The following CALHM5 variants were observed in gnomAD, a reference collection of about 807,000 sequenced individuals.
CALHM5 encodes the protein calcium homeostasis modulator protein 5.
Under a neutral mutation model 20.9 loss-of-function variants are expected in CALHM5, and 17 were observed. That is an observed-to-expected ratio of 0.82 (90% CI 0.56 to 1.22). The LOEUF (loss-of-function observed/expected upper bound fraction) is 1.22. CALHM5 is among the 50% of genes most tolerant of loss of function. The probability of loss-of-function intolerance (pLI) is 0.00; values close to 1 mark genes in which losing one functional copy is unlikely to be tolerated. For synonymous variants in CALHM5, 148 were observed against 140.0 expected (o/e 1.06, Z -0.40); for missense variants, 360 against 364.6 (o/e 0.99, Z 0.10).
intron 1 of CALHM5, among the ~76,000 whole-genome samples, chr6:116,514,970 G>T (rs1279241999): frequency 6.6e-6 from 1 of 152,106 alleles, no homozygotes; most frequent in East Asian, 1.9e-4. Context: ...TAAGATCCAG[G>T]GGAGAAAAGC....
At position 116,524,699 on chromosome 6, in the gene CALHM5, T is replaced by C. The variant is rs1012734054; in HGVS notation, c.*8710T>C. The C allele has an allele frequency of 6.6e-6, 1 of 152,180 alleles. No individual in the cohort carries two copies. Among genetic ancestry groups the C allele is most frequent in the African/African-American group, 2.4e-5 (1 of 41,444 alleles). 9.4% of individuals were successfully genotyped at this position (152,180 alleles called of 1,614,324 possible). ...TTAAATAGGCCTTCAGGTAGGTCTTTTTGGAACGATTTTTCCTGCTACAAG... is the reference window on the plus strand; with the variant it reads ...TTAAATAGGCCTTCAGGTAGGTCTTCTTGGAACGATTTTTCCTGCTACAAG... On this transcript the variant is annotated 3_prime_UTR_variant, in exon 2 of 2. Transcript: ENST00000368599.
intron 1 of CALHM5, among the ~76,000 whole-genome samples, chr6:116,515,160 A>G (rs1377571625): frequency 1.3e-5 from 2 of 152,192 alleles, no homozygotes; most frequent in Non-Finnish European, 2.9e-5. Flanking sequence ...GACAGAAAAA[A>G]ATTAGTCTCT....
chr6:116,523,766 G>A lies in CALHM5; in HGVS notation c.*7777G>A, dbSNP rs1405073432. The A allele has an allele frequency of 6.6e-6, 1 of 152,022 alleles. No individual in the cohort carries two copies. Among genetic ancestry groups the A allele is most frequent in the Non-Finnish European group, 1.5e-5 (1 of 67,994 alleles). The allele number at this position is 152,022 out of a possible 1,614,324, so 9.4% of individuals were successfully genotyped here. On this transcript the variant is annotated 3_prime_UTR_variant, in exon 2 of 2. Transcript: ENST00000368599. Reference sequence around the variant, plus strand: ...ATTTAGACATTACTGCTAGTTTATAGGAAACATAAGCAACAAAAAACAAGG... The same window carrying A: ...ATTTAGACATTACTGCTAGTTTATAAGAAACATAAGCAACAAAAAACAAGG...
intron 1 of CALHM5, among the ~76,000 whole-genome samples, chr6:116,514,601 A>T (rs1314221701): frequency 6.6e-6 from 1 of 152,180 alleles, no homozygotes; most frequent in Non-Finnish European, 1.5e-5. Context: ...TAAAAAGAAT[A>T]CGCATAGTAA....
At position 116,522,304 on chromosome 6, in the gene CALHM5, AC is replaced by A. The variant is rs1452390783; in HGVS notation, c.*6319del. ...TTGCCATGTCCTATCCAACTCCATG[AC>A]CCCAAAAATCATGAGCTTAAATAAA... On this transcript the variant is annotated 3_prime_UTR_variant, in exon 2 of 2. Coordinates refer to ENST00000368599, the MANE Select transcript of CALHM5 (RefSeq NM_153711.5). 6.6e-6 allele frequency: 1 copy of A among 152,164 alleles called. No individual in the cohort carries two copies. Among genetic ancestry groups the A allele is most frequent in the Admixed American group, 6.5e-5 (1 of 15,274 alleles). The allele number at this position is 152,164 out of a possible 1,614,324, so 9.4% of individuals were successfully genotyped here. A position where few individuals can be genotyped will look rare whatever the true frequency, so the allele number is the denominator to read the frequency against.
At chr6:116,513,288 G>A (rs938842660) in intron 1 of CALHM5, among the ~76,000 whole-genome samples, 4 of 152,124 alleles carry the variant, frequency 2.6e-5, no homozygotes, top group Non-Finnish European at 4.4e-5. Flanking sequence ...TTCATAAATT[G>A]ATAAGTCAAA....
At chr6:116,512,940 A>T (rs1772152572) in intron 1 of CALHM5, among the ~76,000 whole-genome samples, 1 of 152,220 alleles carries the variant, frequency 6.6e-6, no homozygotes, top group Admixed American at 6.5e-5. Context: ...GCATTGTTTT[A>T]TTTAACAGAA....
Position 116,512,177 on chromosome 6 carries a change from A to T in CALHM5, c.481A>T (p.Thr161Ser). 6.2e-7 allele frequency: 1 copy of T among 1,611,216 alleles called. No homozygotes were observed. Among genetic ancestry groups the T allele is most frequent in the South Asian group, 1.1e-5 (1 of 91,076 alleles). ...EELHKVSCGKTSMLPTVNEEL... is the reference protein window; with the variant it reads ...EELHKVSCGKSSMLPTVNEEL... The stretch of plus-strand genomic sequence containing the variant: ...ACTTCACAAAGTATCTTGTGGCAAA[A>T]CTAGCATGCTACCTACCGTCAATGA... The change falls in exon 1 of 2, where the codon ACT becomes TCT. Residue 161 changes from threonine (T) to serine (S), a missense_variant. Coordinates refer to ENST00000368599, the MANE Select transcript of CALHM5 (RefSeq NM_153711.5).
intron 1 of CALHM5, among the ~76,000 whole-genome samples, chr6:116,514,005 A>T (rs919763552): frequency 1.3e-5 from 2 of 152,162 alleles, no homozygotes; most frequent in Non-Finnish European, 2.9e-5. Flanking sequence ...TAGAGATGAT[A>T]GATACAAATG....
At position 116,516,658 on chromosome 6, in the gene CALHM5, CAAATATATATATATATATATATATAT is replaced by C. The variant is rs1370848021; in HGVS notation, c.*671_*696del. 29 of 96,798 alleles carry C rather than the reference CAAATATATATATATATATATATATAT, an allele frequency of 3.0e-4. No homozygotes were observed. Among genetic ancestry groups the C allele is most frequent in the African/African-American group, 1.4e-3 (29 of 20,614 alleles). The allele number at this position is 96,798 out of a possible 1,614,324, so 6.0% of individuals were successfully genotyped here. A position where few individuals can be genotyped will look rare whatever the true frequency, so the allele number is the denominator to read the frequency against. On this transcript the variant is annotated 3_prime_UTR_variant, in exon 2 of 2. Transcript: ENST00000368599. The stretch of plus-strand genomic sequence containing the variant: ...TTTCCTACATTCAAAATAGTAGTAA[CAAATATATATATATATATATATATAT>C]ATATATATATATATATATATATATA...
rs1296371486 is a variant in CALHM5, at chr6:116,521,828, A to C, written c.*5839A>C. The C allele has an allele frequency of 6.6e-6, 1 of 152,222 alleles. No individual in the cohort carries two copies. Among genetic ancestry groups the C allele is most frequent in the Non-Finnish European group, 1.5e-5 (1 of 68,048 alleles). The allele number at this position is 152,222 out of a possible 1,614,324, so 9.4% of individuals were successfully genotyped here. A position where few individuals can be genotyped will look rare whatever the true frequency, so the allele number is the denominator to read the frequency against. On this transcript the variant is annotated 3_prime_UTR_variant, in exon 2 of 2. Transcript: ENST00000368599. ...TGTAGTCGTGTTATCCTCACTTTGA[A>C]TCTGACCTTATGAACCAATAAAATA... is the stretch of plus-strand genomic sequence containing the variant.
At position 116,515,890 on chromosome 6, in the gene CALHM5, C is replaced by CT; in HGVS notation, c.832dup (p.Tyr278LeufsTer2). Reference sequence around the variant, plus strand: ...ATTCTTTCCACCAAAGCCAGCAACACTATAGCACCCTCCACAGAGTGGTGG... The same window carrying CT: ...ATTCTTTCCACCAAAGCCAGCAACACTTATAGCACCCTCCACAGAGTGGTGG... On this transcript the variant is annotated frameshift_variant, in exon 2 of 2. Coordinates refer to ENST00000368599, the MANE Select transcript of CALHM5 (RefSeq NM_153711.5). LOFTEE classifies it low-confidence loss of function (END_TRUNC). The CT allele has an allele frequency of 1.9e-6, 3 of 1,613,942 alleles. No homozygotes were observed. The highest frequency in any genetic ancestry group is 2.5e-6 in the Non-Finnish European group (3 of 1,179,900).
chr6:116,524,598 A>C lies in CALHM5; in HGVS notation c.*8609A>C, dbSNP rs1772410962. ...CAGCCTGATTTCTGATGCCATCTCTATTTCTTTCTTTATTACTAACAAGAT... is the reference window on the plus strand; with the variant it reads ...CAGCCTGATTTCTGATGCCATCTCTCTTTCTTTCTTTATTACTAACAAGAT... On this transcript the variant is annotated 3_prime_UTR_variant, in exon 2 of 2. Transcript: ENST00000368599. The C allele has an allele frequency of 3.9e-5, 6 of 152,068 alleles. No homozygotes were observed. The highest frequency in any genetic ancestry group is 8.8e-5 in the Non-Finnish European group (6 of 68,018). The allele number at this position is 152,068 out of a possible 1,614,324, so 9.4% of individuals were successfully genotyped here.
rs890270867 is a variant in CALHM5 at position 116,518,767 on chromosome 6, G to C, written c.*2778G>C. 2.6e-5 allele frequency: 4 copies of C among 152,116 alleles called. No homozygotes were observed. The highest frequency in any genetic ancestry group is 9.7e-5 in the African/African-American group (4 of 41,412). The allele number at this position is 152,116 out of a possible 1,614,324, so 9.4% of individuals were successfully genotyped here. A position where few individuals can be genotyped will look rare whatever the true frequency, so the allele number is the denominator to read the frequency against. On this transcript the variant is annotated 3_prime_UTR_variant, in exon 2 of 2. Transcript: ENST00000368599. ...TATTCCTGCCACCCTCAAGTCCAGG[G>C]ACTTTCTGCACTCAAAAAACTTACG...
At chr6:116,515,458 G>A (rs1772203487) in intron 1 of CALHM5, 142 bp from the exon 2 acceptor site, 11 of 961,374 alleles carry the variant, frequency 1.1e-5, no homozygotes, top group African/African-American at 1.6e-5. Flanking sequence ...AGTTTAAAGT[G>A]TTTAAAAATT....
chr6:116,515,105 C>T (rs910821161), intron 1 of CALHM5, among the ~76,000 whole-genome samples: 2 of 152,190 alleles, frequency 1.3e-5, no homozygotes, highest in South Asian at 2.1e-4. Flanking sequence ...GCTTCAGCTT[C>T]CTGATTGTAT....
rs141781974 is a variant in CALHM5, at chr6:116,515,628, C to T, written c.569C>T (p.Ala190Val). ...CTAGGATGGTGCCTGATTTGTTCAG[C>T]GTCTTTCTTCTCTCTGCTCACCACA... ...QILGWCLICS[A>V]SFFSLLTTCY... The change falls in exon 2 of 2, where the codon GCG becomes GTG. Residue 190 changes from alanine (A) to valine (V), a missense_variant. Ala to Val is a moderately conservative substitution (Grantham distance 64). Transcript: ENST00000368599. 59 of 1,612,908 alleles carry T rather than the reference C, an allele frequency of 3.7e-5. No individual in the cohort carries two copies. In the South Asian group the frequency reaches 4.0e-4, roughly 11 times the overall value.
chr6:116,511,806 T>A lies in CALHM5; in HGVS notation c.110T>A (p.Val37Glu). The part of the protein sequence containing the change: ...TVGSERLFSV[V>E]AFKCPCSTEN... ...GGAAGTGAGCGTCTCTTTTCTGTTG[T>A]GGCTTTTAAGTGCCCCTGCAGCACT... The change falls in exon 1 of 2, where the codon GTG becomes GAG. Residue 37 changes from valine (V) to glutamate (E), a missense_variant. By Grantham distance (121) the Val-to-Glu change is moderately radical. Coordinates refer to ENST00000368599, the MANE Select transcript of CALHM5 (RefSeq NM_153711.5). 1 of 1,614,106 alleles carries A rather than the reference T, an allele frequency of 6.2e-7. No homozygotes were observed. Among genetic ancestry groups the A allele is most frequent in the Non-Finnish European group, 8.5e-7 (1 of 1,180,000 alleles).
rs1326130121 is a variant in CALHM5 at position 116,520,216 on chromosome 6, C to T, written c.*4227C>T. 1.3e-5 allele frequency: 2 copies of T among 152,162 alleles called. No homozygotes were observed. Among genetic ancestry groups the T allele is most frequent in the African/African-American group, 2.4e-5 (1 of 41,446 alleles). The allele number at this position is 152,162 out of a possible 1,614,324, so 9.4% of individuals were successfully genotyped here. On this transcript the variant is annotated 3_prime_UTR_variant, in exon 2 of 2. Coordinates refer to ENST00000368599, the MANE Select transcript of CALHM5 (RefSeq NM_153711.5). Reference sequence around the variant, plus strand: ...TACTCTAAAAACTGGTTAAAGCAATCCAGAAGTCACTGGGTAGCAGAAAAC... The same window carrying T: ...TACTCTAAAAACTGGTTAAAGCAATTCAGAAGTCACTGGGTAGCAGAAAAC...
Sources: allele counts gnomAD v4.1 joint callset (sites outside exome capture counted in the v4.1 genomes callset), GRCh38; gene constraint gnomAD v4.1.1; transcripts MANE v1.5; gene names NCBI Gene and HGNC (gene_info 2026-07-23, HGNC 2026-07-21).